Variants in FBXO4 observed in about 807,000 individuals in gnomAD.
FBXO4 encodes F-box only protein 4.
Under a neutral mutation model 43.7 loss-of-function variants are expected in FBXO4, and 36 were observed. That is an observed-to-expected ratio of 0.82 (90% CI 0.63 to 1.09). The LOEUF (loss-of-function observed/expected upper bound fraction) is 1.09. Among genes scored for constraint, FBXO4 ranks in the 50% least tolerant of loss-of-function variants. The pLI, the probability that FBXO4 is intolerant of heterozygous loss-of-function variation, is 0.00. For synonymous variants in FBXO4, 180 were observed against 165.6 expected, an observed-to-expected ratio of 1.09 and a Z score of -0.67; for missense variants, 435 against 474.1, an observed-to-expected ratio of 0.92 and a Z score of 0.77.
intron 6 of FBXO4, among the ~76,000 whole-genome samples, chr5:41,939,834 ATTTTTTTTTTTTTTTTT>A (rs60238550): frequency 1.3e-5 from 1 of 79,306 alleles, no homozygotes; most frequent in South Asian, 4.4e-4. Flanking sequence ...ACAATTGGGG[ATTTTTTTTTTTTTTTTT>A]TTTTTTTTTT....
chr5:41,996,934 T>C, the FBXO4 span, among the ~76,000 whole-genome samples: 1 of 152,330 alleles, frequency 6.6e-6, no homozygotes, highest in African/African-American at 2.4e-5. Context: ...CTGGATCCAA[T>C]CAGCATAACG....
At chr5:41,941,167 A>T in intron 6 of FBXO4, 25 bp from the exon 7 acceptor site, 1 of 1,596,684 alleles carries the variant, frequency 6.3e-7, no homozygotes, top group Non-Finnish European at 8.6e-7. Context: ...TCTTACTAAC[A>T]ACATTCTCTC....
intron 5 of FBXO4, chr5:41,934,953 T>C: frequency 1.0e-6 from 1 of 973,186 alleles, no homozygotes; most frequent in Non-Finnish European, 1.2e-6. Context: ...TGTATATATA[T>C]TATAGTTCTC....
chr5:42,019,547 G>A, the FBXO4 span, among the ~76,000 whole-genome samples: 2 of 151,948 alleles, frequency 1.3e-5, no homozygotes, highest in Admixed American at 1.3e-4. Flanking sequence ...AATTAGTTGG[G>A]TGTGGTGGCA....
the FBXO4 span, among the ~76,000 whole-genome samples, chr5:41,954,165 A>G: frequency 3.2e-4 from 48 of 151,988 alleles, no homozygotes; most frequent in African/African-American, 1.1e-3. Context: ...TTTTTTTCGA[A>G]TACTACAGAG....
chr5:42,006,471 A>G, the FBXO4 span, among the ~76,000 whole-genome samples: 1 of 152,098 alleles, frequency 6.6e-6, no homozygotes, highest in African/African-American at 2.4e-5. Flanking sequence ...TATATGTAAC[A>G]TACTATGATC....
At chr5:42,006,639 G>T in the FBXO4 span, among the ~76,000 whole-genome samples, 1 of 151,582 alleles carries the variant, frequency 6.6e-6, no homozygotes, top group African/African-American at 2.4e-5. Context: ...AAGTTGAGAA[G>T]GAAGAAAGGA....
chr5:41,929,085 G>A (rs1416756987), intron 2 of FBXO4, among the ~76,000 whole-genome samples: 1 of 152,176 alleles, frequency 6.6e-6, no homozygotes, highest in African/African-American at 2.4e-5. Context: ...TATATTGGTA[G>A]TGTTAGCAAT....
intron 2 of FBXO4, among the ~76,000 whole-genome samples, chr5:41,928,147 T>C (rs1209641194): frequency 6.6e-6 from 1 of 152,212 alleles, no homozygotes; most frequent in African/African-American, 2.4e-5. Flanking sequence ...TTGTCTGTTA[T>C]AGATAATCTC....
chr5:41,953,160 C>T, the FBXO4 span, among the ~76,000 whole-genome samples: 2 of 151,342 alleles, frequency 1.3e-5, no homozygotes. Flanking sequence ...CCCCACCCCA[C>T]AACAGTCCCC....
the FBXO4 span, among the ~76,000 whole-genome samples, chr5:41,966,492 G>A: frequency 6.6e-6 from 1 of 151,982 alleles, no homozygotes; most frequent in African/African-American, 2.4e-5. Context: ...TCTTACTAAG[G>A]GGTAACATAC....
At chr5:41,943,524 C>A (rs1056551812), downstream of FBXO4, among the ~76,000 whole-genome samples, 3 of 151,976 alleles carry the variant, frequency 2.0e-5, no homozygotes, top group African/African-American at 4.8e-5. Flanking sequence ...TGTGGGAAGG[C>A]CTCAACTTCA....
At chr5:42,028,276 CCTT>C in the FBXO4 span, among the ~76,000 whole-genome samples, 3 of 151,856 alleles carry the variant, frequency 2.0e-5, no homozygotes, top group Non-Finnish European at 4.4e-5. Context: ...TATATATTGA[CCTT>C]CTTTGTTTCT....
downstream of FBXO4, among the ~76,000 whole-genome samples, chr5:41,944,194 A>G (rs898642076): frequency 6.6e-6 from 1 of 152,232 alleles, no homozygotes; most frequent in Non-Finnish European, 1.5e-5. Flanking sequence ...GTCATTTTGT[A>G]GAAATCAAAT....
At chr5:42,003,221 T>C in the FBXO4 span, among the ~76,000 whole-genome samples, 8 of 152,300 alleles carry the variant, frequency 5.3e-5, no homozygotes, top group East Asian at 1.4e-3. Context: ...GAGGCAAAAA[T>C]AGAGATTTAA....
At chr5:41,967,033 A>C in the FBXO4 span, 3 of 268,288 alleles carry the variant, frequency 1.1e-5, no homozygotes, top group Non-Finnish European at 2.2e-5. Context: ...GCATCATTTT[A>C]AACCATTTCA....
chr5:42,007,028 A>G, the FBXO4 span, among the ~76,000 whole-genome samples: 1 of 149,874 alleles, frequency 6.7e-6, no homozygotes, highest in Non-Finnish European at 1.5e-5. Flanking sequence ...AATACTTATT[A>G]TGTGTTGAAC....
At chr5:41,994,476 C>T in the FBXO4 span, among the ~76,000 whole-genome samples, 47 of 152,200 alleles carry the variant, frequency 3.1e-4, no homozygotes, top group Non-Finnish European at 5.1e-4. Context: ...CTCAGCAGGT[C>T]GTGGTTTTTT....
the FBXO4 span, among the ~76,000 whole-genome samples, chr5:41,949,671 A>G: frequency 6.6e-6 from 1 of 152,236 alleles, no homozygotes; most frequent in East Asian, 1.9e-4. Flanking sequence ...TGCTATCCCA[A>G]TCAAGCTACC....
Sources: gnomAD v4.1 joint callset for allele counts (sites outside exome capture counted in the v4.1 genomes callset) on GRCh38, gnomAD v4.1.1 for gene constraint, MANE v1.5 for transcripts, NCBI Gene and HGNC (gene_info 2026-07-23, HGNC 2026-07-21) for gene names.